IFI44L: variants seen among roughly 807,000 people sequenced by gnomAD.
IFI44L encodes the protein interferon induced protein 44 like.
In IFI44L, 40 loss-of-function variants were observed where a neutral mutation model predicts 39.3. The ratio of observed to expected loss-of-function variants is 1.02; its 90% CI spans 0.79 to 1.33. The LOEUF (loss-of-function observed/expected upper bound fraction) is 1.33, where lower values mean the gene tolerates loss of function less well. Among genes scored for constraint, IFI44L ranks in the 40% most tolerant of loss-of-function variants. The pLI is 0.00. For synonymous variants in IFI44L, 198 were observed against 182.3 expected (o/e 1.09, Z -0.69); for missense variants, 623 against 549.0 (o/e 1.13, Z -1.35).
At chr1:78,629,551 A>T (rs1439992564) in intron 3 of IFI44L, 169 bp from the exon 4 acceptor site, 3 of 482,624 alleles carry the variant, frequency 6.2e-6, no homozygotes, top group Non-Finnish European at 1.1e-5. Flanking sequence ...GTATAACTTT[A>T]GATATTTCAA....
At chr1:78,621,198 A>T (rs1239537955) in intron 1 of IFI44L, among the ~76,000 whole-genome samples, 1 of 152,224 alleles carries the variant, frequency 6.6e-6, no homozygotes. Flanking sequence ...TTTGCTTTTT[A>T]AATTAGAATA....
chr1:78,629,584 T>C (rs1557684660), intron 3 of IFI44L, 136 bp from the exon 4 acceptor site: 1 of 529,940 alleles, frequency 1.9e-6, no homozygotes, highest in East Asian at 3.1e-5. Context: ...AAGATCTCAT[T>C]ATCAAAATAA....
At chr1:78,639,744 C>T (rs779210114) in intron 6 of IFI44L, among the ~76,000 whole-genome samples, 2 of 152,194 alleles carry the variant, frequency 1.3e-5, no homozygotes, top group Middle Eastern at 3.4e-3. Context: ...AGTACTCTCA[C>T]TGAACTTCCA....
At chr1:78,622,759 G>A (rs1237593944) in intron 1 of IFI44L, among the ~76,000 whole-genome samples, 1 of 152,182 alleles carries the variant, frequency 6.6e-6, no homozygotes, top group East Asian at 1.9e-4. Context: ...GACTAACTGA[G>A]AACTGAGGAT....
In IFI44L at chr1:78,637,178, A is replaced by G; in HGVS notation, c.1023A>G (p.Gln341=). 5 of 1,608,122 alleles carry G rather than the reference A, an allele frequency of 3.1e-6. No homozygotes were observed. The highest frequency in any genetic ancestry group is 3.4e-6 in the Non-Finnish European group (4 of 1,177,994). ...LYSKMLAKVK[Q]VHKEVLNCGI... is the part of the protein sequence containing the mutation. ...CTAAAATGTTGGCAAAAGTGAAGCAAGTTCACAAAGAAGTATTAAACTGTG... is the reference window on the plus strand; with the variant it reads ...CTAAAATGTTGGCAAAAGTGAAGCAGGTTCACAAAGAAGTATTAAACTGTG... Residue 341 remains glutamine (Q), a synonymous_variant, in exon 6 of 9, where the codon CAA becomes CAG. Coordinates refer to ENST00000370751, the MANE Select transcript of IFI44L (RefSeq NM_006820.4).
At chr1:78,625,658 A>G (rs1312678021) in intron 1 of IFI44L, 1 of 151,528 alleles carries the variant, frequency 6.6e-6, no homozygotes, top group Non-Finnish European at 1.5e-5. Flanking sequence ...TCTTGCTTTT[A>G]TTTTTATTGT....
intron 1 of IFI44L, among the ~76,000 whole-genome samples, chr1:78,623,900 A>T (rs546853941): frequency 6.6e-6 from 1 of 152,290 alleles, no homozygotes; most frequent in East Asian, 1.9e-4. Flanking sequence ...GGATTGGATG[A>T]TGTCAGCTCA....
chr1:78,627,304 C>T (rs1230218200), intron 1 of IFI44L: 1 of 151,928 alleles, frequency 6.6e-6, no homozygotes, highest in African/African-American at 2.4e-5. Context: ...GACCAATAGT[C>T]TAGTATGCTG....
At chr1:78,641,348 T>C in intron 7 of IFI44L, 87 bp from the exon 8 acceptor site, 1 of 1,245,490 alleles carries the variant, frequency 8.0e-7, no homozygotes, top group East Asian at 2.4e-5. Flanking sequence ...ATTGCTTTTT[T>C]GGTTTCTTTC....
intron 1 of IFI44L, among the ~76,000 whole-genome samples, chr1:78,623,867 T>G (rs1449588901): frequency 6.6e-6 from 1 of 152,190 alleles, no homozygotes; most frequent in East Asian, 1.9e-4. Context: ...CCTCTGCCTT[T>G]TTGCTCTATT....
chr1:78,623,226 G>GT (rs1218616033), intron 1 of IFI44L, among the ~76,000 whole-genome samples: 1 of 152,006 alleles, frequency 6.6e-6, no homozygotes, highest in Non-Finnish European at 1.5e-5. Context: ...AGGACATTCA[G>GT]TATTATGTTG....
Position 78,629,746 on chromosome 1 carries a change from T to A in IFI44L, c.554T>A (p.Ile185Asn). 1 of 1,613,238 alleles carries A rather than the reference T, an allele frequency of 6.2e-7. No homozygotes were observed. The highest frequency in any genetic ancestry group is 8.5e-7 in the Non-Finnish European group (1 of 1,179,530). Residue 185 changes from isoleucine (I) to asparagine (N), a missense_variant, in exon 4 of 9, where the codon ATC (isoleucine) becomes AAC (asparagine). Ile to Asn is a moderately radical substitution (Grantham distance 149). Transcript: ENST00000370751. Reference protein sequence around the residue: ...REHRNRLLADIRDYRPYADLV... With the variant: ...REHRNRLLADNRDYRPYADLV... ...CACAGAAATAGGCTTCTAGCAGACATCAGAGACTATAGGCCCTATGCAGAC... is the reference window on the plus strand; with the variant it reads ...CACAGAAATAGGCTTCTAGCAGACAACAGAGACTATAGGCCCTATGCAGAC...
Position 78,642,128 on chromosome 1 carries a change from T to C in IFI44L, c.*319T>C. ...ACTCTATATAGAGCTATGTGAGTACTAATCACATTGAATAATAGTTATAAA... is the reference window on the plus strand; with the variant it reads ...ACTCTATATAGAGCTATGTGAGTACCAATCACATTGAATAATAGTTATAAA... On this transcript the variant is annotated 3_prime_UTR_variant, in exon 9 of 9. Coordinates refer to ENST00000370751, the MANE Select transcript of IFI44L (RefSeq NM_006820.4). 2.6e-6 allele frequency: 1 copy of C among 383,720 alleles called. No homozygotes were observed. Among genetic ancestry groups the C allele is most frequent in the Non-Finnish European group, 4.8e-6 (1 of 210,258 alleles). 23.8% of individuals were successfully genotyped at this position (383,720 alleles called of 1,614,324 possible).
chr1:78,640,990 A>G lies in IFI44L; in HGVS notation c.1049-31A>G, dbSNP rs113665336. 1.6e-5 allele frequency: 23 copies of G among 1,457,354 alleles called. 1 individual carries two copies. The African/African-American group carries it at 2.1e-4, about 13-fold the overall frequency. The allele number at this position is 1,457,354 out of a possible 1,614,324, so 90.3% of individuals were successfully genotyped here. ...TTGTTGACACATTGCTATTTATGAT[A>G]TAAAATAACTGATTTATCTATTTGA... is the stretch of plus-strand genomic sequence containing the variant. On this transcript the variant is annotated intron_variant, in intron 6 of 8. Coordinates refer to ENST00000370751, the MANE Select transcript of IFI44L (RefSeq NM_006820.4).
chr1:78,622,062 C>T (rs1652297789), intron 1 of IFI44L, among the ~76,000 whole-genome samples: 1 of 152,136 alleles, frequency 6.6e-6, no homozygotes, highest in Non-Finnish European at 1.5e-5. Context: ...CATTAACCTA[C>T]ATCTCTTCAT....
In IFI44L at chr1:78,642,222, A is replaced by G. The variant is rs190566041; in HGVS notation, c.*413A>G. On this transcript the variant is annotated 3_prime_UTR_variant, in exon 9 of 9. Transcript: ENST00000370751. ...TTGAGAAACAGCGTGGATTTTACTTATCTGTGTATTCACAGAGCTTAGCAC... is the reference window on the plus strand; with the variant it reads ...TTGAGAAACAGCGTGGATTTTACTTGTCTGTGTATTCACAGAGCTTAGCAC... 2.5e-5 allele frequency: 5 copies of G among 200,860 alleles called. No homozygotes were observed. The East Asian group carries it at 6.5e-4, about 26-fold the overall frequency. 12.4% of individuals were successfully genotyped at this position (200,860 alleles called of 1,614,324 possible).
At chr1:78,627,777 TG>T in intron 1 of IFI44L, 128 bp from the exon 2 acceptor site, 1 of 411,156 alleles carries the variant, frequency 2.4e-6, no homozygotes, top group Non-Finnish European at 4.2e-6. Context: ...CTATATTTTT[TG>T]CCTTAACCAA....
rs1010394904 is a variant in IFI44L, at chr1:78,635,448, A to G, written c.835A>G (p.Ile279Val). 3 of 1,613,602 alleles carry G rather than the reference A, an allele frequency of 1.9e-6. No homozygotes were observed. Among genetic ancestry groups the G allele is most frequent in the South Asian group, 1.1e-5 (1 of 91,004 alleles). ...AGGAGCAGGACTGTGCATGGATGAC[A>G]TTCCCCACATCTTAAAAGGTTGTAT... ...AEGAGLCMDD[I>V]PHILKGCMPD... Residue 279 changes from isoleucine (I) to valine (V), a missense_variant, in exon 5 of 9, where the codon ATT (isoleucine) becomes GTT (valine). Ile to Val is a conservative substitution (Grantham distance 29). Coordinates refer to ENST00000370751, the MANE Select transcript of IFI44L (RefSeq NM_006820.4).
At chr1:78,636,908 G>A in intron 5 of IFI44L, 124 bp from the exon 6 acceptor site, 1 of 679,972 alleles carries the variant, frequency 1.5e-6, no homozygotes. Flanking sequence ...TACTGTTTGG[G>A]GAAAGAGTAG....
Sources: allele counts gnomAD v4.1 joint callset (sites outside exome capture counted in the v4.1 genomes callset), GRCh38; gene constraint gnomAD v4.1.1; transcripts MANE v1.5; gene names NCBI Gene and HGNC (gene_info 2026-07-23, HGNC 2026-07-21).